The following DOCK4 variants were observed in gnomAD, a reference collection of about 807,000 sequenced individuals.
DOCK4 encodes the protein dedicator of cytokinesis protein 4.
A neutral mutation model predicts 268.1 loss-of-function variants in DOCK4; 97 were observed. The observed-to-expected ratio is 0.36, with a 90% CI of 0.31 to 0.43. The LOEUF is 0.43. Among genes scored for constraint, DOCK4 ranks in the 20% least tolerant of loss-of-function variants. The pLI is 1.00. For synonymous variants in DOCK4, 954 were observed against 887.2 expected, an observed-to-expected ratio of 1.08 and a Z score of -1.34; for missense variants, 2,145 against 2,455.7, an observed-to-expected ratio of 0.87 and a Z score of 2.67.
chr7:111,783,034 G>T (rs117436533), intron 34 of DOCK4, 110 bp from the exon 35 acceptor site: 1 of 865,490 alleles, frequency 1.2e-6, no homozygotes, highest in Non-Finnish European at 1.7e-6. Flanking sequence ...AAAAAAAAAA[G>T]AAGCCACTTT....
At chr7:111,849,920 T>C (rs998667407) in intron 23 of DOCK4, among the ~76,000 whole-genome samples, 1 of 152,142 alleles carries the variant, frequency 6.6e-6, no homozygotes, top group African/African-American at 2.4e-5. Context: ...GTGGAATAAA[T>C]TAGTTTGCTC....
At chr7:111,869,444 A>G in intron 21 of DOCK4, 130 bp downstream of exon 21, 1 of 813,418 alleles carries the variant, frequency 1.2e-6, no homozygotes, top group South Asian at 1.5e-5. Context: ...CAAACTGATT[A>G]AGATCCTTGA....
At chr7:112,126,290 T>G (rs1813208937) in intron 1 of DOCK4, among the ~76,000 whole-genome samples, 1 of 152,222 alleles carries the variant, frequency 6.6e-6, no homozygotes, top group African/African-American at 2.4e-5. Context: ...TTTATCATGC[T>G]TAGTCCTCAC....
chr7:111,984,980 T>G (rs1049051732), intron 6 of DOCK4, among the ~76,000 whole-genome samples: 13 of 152,154 alleles, frequency 8.5e-5, no homozygotes, highest in African/African-American at 3.1e-4. Context: ...GCTGGCAGAA[T>G]AGTTTAACCC....
chr7:111,776,834 T>G (rs1327306626), intron 36 of DOCK4, among the ~76,000 whole-genome samples: 2 of 152,134 alleles, frequency 1.3e-5, no homozygotes, highest in African/African-American at 4.8e-5. Flanking sequence ...TTTTTATTAT[T>G]TTTTGAGACA....
intron 47 of DOCK4, 47 bp downstream of exon 47, chr7:111,741,047 A>G: frequency 6.2e-7 from 1 of 1,606,872 alleles, no homozygotes; most frequent in Non-Finnish European, 8.5e-7. Context: ...CTCATGATTG[A>G]GACAGAAAAG....
At chr7:111,946,723 A>G (rs1795653463) in intron 8 of DOCK4, among the ~76,000 whole-genome samples, 1 of 152,186 alleles carries the variant, frequency 6.6e-6, no homozygotes, top group South Asian at 2.1e-4. Context: ...CTGGGATTAC[A>G]GGTGCACACC....
At chr7:111,737,258 A>G (rs1241784017) in intron 49 of DOCK4, among the ~76,000 whole-genome samples, 1 of 152,180 alleles carries the variant, frequency 6.6e-6, no homozygotes, top group Non-Finnish European at 1.5e-5. Context: ...GTAAAAAATA[A>G]ATAGTAAATA....
intron 16 of DOCK4, among the ~76,000 whole-genome samples, chr7:111,884,522 C>T (rs1807677051): frequency 6.6e-6 from 1 of 152,064 alleles, no homozygotes; most frequent in South Asian, 2.1e-4. Context: ...TGGTAGGTAT[C>T]GCTAGGAAAG....
chr7:112,199,880 A>C (rs12673821), intron 1 of DOCK4, among the ~76,000 whole-genome samples: 1 of 152,240 alleles, frequency 6.6e-6, no homozygotes, highest in Non-Finnish European at 1.5e-5. Flanking sequence ...TACAAGTACT[A>C]AAAGAGAAAA....
At position 111,874,893 on chromosome 7, in the gene DOCK4, G is replaced by A. The variant is rs78991868; in HGVS notation, c.1744+2137C>T. On this transcript the variant is annotated intron_variant, in intron 17 of 52. Transcript: ENST00000428084. ...ATTCTGAAATGCAAATTTGCTCTAT[G>A]AAACTGCTCCTAGAGACCATATCAC... Among the ~76,000 whole-genome samples the A allele has an allele frequency of 5.3e-3, 804 of 152,336 alleles. 24 individuals carry two copies. Among genetic ancestry groups the A allele is most frequent in the Admixed American group, 0.043 (662 of 15,298 alleles).
At chr7:111,838,686 C>T (rs1803431414) in intron 25 of DOCK4, among the ~76,000 whole-genome samples, 1 of 151,884 alleles carries the variant, frequency 6.6e-6, no homozygotes, top group South Asian at 2.1e-4. Flanking sequence ...AAAAGCAGGT[C>T]AGTAGTTGCT....
At position 111,746,822 on chromosome 7, in the gene DOCK4, T is replaced by G. The variant is rs1188823239; in HGVS notation, c.4594-405A>C. Reference sequence around the variant, plus strand: ...AGCAAGATCGGTCTTATCTTTTTTTTTTTTTTTTTTTTTTTTTTTAAATAA... The same window carrying G: ...AGCAAGATCGGTCTTATCTTTTTTTGTTTTTTTTTTTTTTTTTTTAAATAA... On this transcript the variant is annotated intron_variant, in intron 43 of 52. Coordinates refer to ENST00000428084, the MANE Select transcript of DOCK4 (RefSeq NM_001363540.2). Among the ~76,000 whole-genome samples the G allele has an allele frequency of 3.6e-5, 5 of 139,926 alleles. No homozygotes were observed. The East Asian group carries it at 9.9e-4, about 28-fold the overall frequency. 91.8% of individuals were successfully genotyped at this position (139,926 alleles called of 152,430 possible).
intron 1 of DOCK4, among the ~76,000 whole-genome samples, chr7:112,101,944 G>A (rs1415518688): frequency 6.6e-5 from 10 of 151,746 alleles, no homozygotes; most frequent in Admixed American, 5.9e-4. Context: ...GCGGGTTCAC[G>A]CCATTCTCCC....
chr7:111,767,182 G>T, intron 37 of DOCK4, 64 bp from the exon 38 acceptor site: 1 of 1,268,680 alleles, frequency 7.9e-7, no homozygotes, highest in Non-Finnish European at 1.1e-6. Context: ...CTACCCAAAA[G>T]TCAGAACATG....
intron 38 of DOCK4, among the ~76,000 whole-genome samples, chr7:111,765,960 C>T (rs987290917): frequency 6.6e-6 from 1 of 152,084 alleles, no homozygotes; most frequent in African/African-American, 2.4e-5. Context: ...GAGCAGTTGG[C>T]ATGAAGTGTA....
chr7:112,047,351 C>A (rs1453229939), intron 1 of DOCK4, among the ~76,000 whole-genome samples: 2 of 152,116 alleles, frequency 1.3e-5, no homozygotes, highest in African/African-American at 4.8e-5. Flanking sequence ...TACAAAAGTG[C>A]AAATAAGCAG....
At chr7:112,158,230 T>G (rs980403854) in intron 1 of DOCK4, among the ~76,000 whole-genome samples, 1 of 152,212 alleles carries the variant, frequency 6.6e-6, no homozygotes, top group Non-Finnish European at 1.5e-5. Flanking sequence ...AACCATTTAC[T>G]AGGGTGATGC....
chr7:112,121,868 C>T (rs944342903), intron 1 of DOCK4, among the ~76,000 whole-genome samples: 2 of 152,150 alleles, frequency 1.3e-5, no homozygotes, highest in Non-Finnish European at 2.9e-5. Context: ...TATATCTGAT[C>T]TCTTATTAAA....
Sources: allele counts gnomAD v4.1 joint callset (sites outside exome capture counted in the v4.1 genomes callset), GRCh38; gene constraint gnomAD v4.1.1; transcripts MANE v1.5; gene names NCBI Gene and HGNC (gene_info 2026-07-23, HGNC 2026-07-21).